Variants in KCNB2 observed in about 807,000 individuals in gnomAD.
The protein encoded by KCNB2 is potassium voltage-gated channel subfamily B member 2, also known as delayed rectifier potassium channel protein.
KCNB2 carries 15 observed loss-of-function variants against 61.5 expected under a neutral mutation model. That is an observed-to-expected ratio of 0.24 (90% confidence interval 0.16 to 0.38). The LOEUF (loss-of-function observed/expected upper bound fraction) is 0.38. KCNB2 is among the 10% of genes least tolerant of loss of function. The probability of loss-of-function intolerance (pLI) is 1.00; values close to 1 mark genes in which losing one functional copy is unlikely to be tolerated. For missense variants in KCNB2, 828 were observed against 1,125.2 expected (o/e 0.74, Z 3.78); for synonymous variants, 457 against 446.0 (o/e 1.02, Z -0.31).
chr8:72,689,440 G>A (rs892578601), intron 2 of KCNB2, among the ~76,000 whole-genome samples: 6 of 152,124 alleles, frequency 3.9e-5, no homozygotes, highest in African/African-American at 1.4e-4. Context: ...CATTATAAAT[G>A]TATATATAAC....
intron 2 of KCNB2, among the ~76,000 whole-genome samples, chr8:72,797,205 A>G (rs1038634689): frequency 2.0e-5 from 3 of 152,194 alleles, no homozygotes; most frequent in Non-Finnish European, 4.4e-5. Context: ...GTTTGCCTGA[A>G]TTTGCAAAGA....
At chr8:72,912,035 T>C (rs186476354) in intron 2 of KCNB2, among the ~76,000 whole-genome samples, 1 of 152,326 alleles carries the variant, frequency 6.6e-6, no homozygotes, top group South Asian at 2.1e-4. Flanking sequence ...TGTTTAGTTG[T>C]CACTATTAAA....
chr8:72,792,324 C>G (rs1808959184), intron 2 of KCNB2, among the ~76,000 whole-genome samples: 1 of 152,206 alleles, frequency 6.6e-6, no homozygotes, highest in South Asian at 2.1e-4. Context: ...ACCTCCCAAG[C>G]TGTGTGTTTA....
At chr8:72,581,990 C>A (rs72668132) in intron 2 of KCNB2, among the ~76,000 whole-genome samples, 1,992 of 152,230 alleles carry the variant, frequency 0.013, 23 homozygotes, top group Non-Finnish European at 0.02. Flanking sequence ...ATGGATAGAT[C>A]ATTTATTTAG....
chr8:72,761,192 G>A (rs1051913418), intron 2 of KCNB2, among the ~76,000 whole-genome samples: 6 of 152,128 alleles, frequency 3.9e-5, no homozygotes, highest in Admixed American at 3.9e-4. Context: ...GGTGTACTCG[G>A]AGGAGATGCT....
At chr8:72,624,739 G>A (rs1259089408) in intron 2 of KCNB2, among the ~76,000 whole-genome samples, 1 of 152,150 alleles carries the variant, frequency 6.6e-6, no homozygotes, top group Non-Finnish European at 1.5e-5. Context: ...ATGTGGATGG[G>A]GCCTGTGACT....
chr8:72,832,301 A>G (rs1466425100), intron 2 of KCNB2, among the ~76,000 whole-genome samples: 1 of 152,222 alleles, frequency 6.6e-6, no homozygotes, highest in Non-Finnish European at 1.5e-5. Flanking sequence ...AGGATATAAT[A>G]TGGTCAGGGT....
intron 2 of KCNB2, among the ~76,000 whole-genome samples, chr8:72,794,843 A>T (rs1322278445): frequency 6.6e-6 from 1 of 152,196 alleles, no homozygotes; most frequent in African/African-American, 2.4e-5. Flanking sequence ...GAGTATCTGG[A>T]GAGAAAGCAG....
chr8:72,886,260 G>A (rs7822203), intron 2 of KCNB2, among the ~76,000 whole-genome samples: 5 of 152,180 alleles, frequency 3.3e-5, no homozygotes, highest in East Asian at 3.9e-4. Flanking sequence ...CTGTTACTCC[G>A]ATCTGCATTG....
At chr8:72,905,891 A>G (rs949582710) in intron 2 of KCNB2, among the ~76,000 whole-genome samples, 2 of 152,142 alleles carry the variant, frequency 1.3e-5, no homozygotes, top group Non-Finnish European at 2.9e-5. Flanking sequence ...TTTGGGATGT[A>G]GATCAAGGGT....
chr8:72,761,279 G>T (rs1056227659), intron 2 of KCNB2, among the ~76,000 whole-genome samples: 1 of 152,146 alleles, frequency 6.6e-6, no homozygotes, highest in African/African-American at 2.4e-5. Context: ...GAAATACTCT[G>T]CAGCAGGCGT....
At chr8:72,660,509 T>C (rs1806361247) in intron 2 of KCNB2, 1 of 152,192 alleles carries the variant, frequency 6.6e-6, no homozygotes. Context: ...AAATACCTCA[T>C]TTCCAACATC....
At chr8:72,561,735 CTATATATATATGTA>C (rs1806526845) in intron 1 of KCNB2, among the ~76,000 whole-genome samples, 1 of 22,128 alleles carries the variant, frequency 4.5e-5, no homozygotes, top group Non-Finnish European at 7.3e-5. Flanking sequence ...ATATCTATAT[CTATATATATATGTA>C]TATATATATA....
At chr8:72,864,973 C>T (rs530333828) in intron 2 of KCNB2, among the ~76,000 whole-genome samples, 1 of 152,152 alleles carries the variant, frequency 6.6e-6, no homozygotes, top group Non-Finnish European at 1.5e-5. Flanking sequence ...TTCATCTTCT[C>T]CCCCAACCTC....
chr8:72,539,118 C>T (rs1806156012), intron 1 of KCNB2, among the ~76,000 whole-genome samples: 1 of 152,068 alleles, frequency 6.6e-6, no homozygotes, highest in African/African-American at 2.4e-5. Flanking sequence ...CAAAGCTTAA[C>T]GTAATACATG....
rs980005358 is a variant in KCNB2 at position 72,677,530 on chromosome 8, C to A, written c.579+109217C>A. ...TGCTTACACTCCTTCTCTCTACTTTCTTTCCTCAATTTTCTTTGGAACTGA... is the reference window on the plus strand; with the variant it reads ...TGCTTACACTCCTTCTCTCTACTTTATTTCCTCAATTTTCTTTGGAACTGA... On this transcript the variant is annotated intron_variant, in intron 2 of 2. Coordinates refer to ENST00000523207, the MANE Select transcript of KCNB2 (RefSeq NM_004770.3). Among the ~76,000 whole-genome samples the A allele has an allele frequency of 5.3e-5, 8 of 152,324 alleles. No individual in the cohort carries two copies. In the East Asian group the frequency reaches 1.4e-3, roughly 26 times the overall value.
intron 2 of KCNB2, among the ~76,000 whole-genome samples, chr8:72,884,415 A>T (rs1279582458): frequency 6.6e-6 from 1 of 151,814 alleles, no homozygotes; most frequent in Non-Finnish European, 1.5e-5. Context: ...ACGTGTGTGT[A>T]TGTGTTGTGG....
At chr8:72,683,434 T>TA (rs565139981) in intron 2 of KCNB2, among the ~76,000 whole-genome samples, 257 of 152,234 alleles carry the variant, frequency 1.7e-3, no homozygotes, top group African/African-American at 5.9e-3. Flanking sequence ...GCAAGCAACT[T>TA]AAAAAAATTA....
At chr8:72,792,652 C>G (rs574484508) in intron 2 of KCNB2, among the ~76,000 whole-genome samples, 1 of 152,090 alleles carries the variant, frequency 6.6e-6, no homozygotes, top group Non-Finnish European at 1.5e-5. Context: ...GTGGTGGAAT[C>G]CAGGCATATA....
Sources: gnomAD v4.1 joint callset for allele counts (sites outside exome capture counted in the v4.1 genomes callset) on GRCh38, gnomAD v4.1.1 for gene constraint, MANE v1.5 for transcripts, NCBI Gene and HGNC (gene_info 2026-07-23, HGNC 2026-07-21) for gene names.